USP42: variants seen among roughly 807,000 people sequenced by gnomAD.
USP42 encodes the protein ubiquitin specific peptidase 42.
In USP42, 23 loss-of-function variants were observed where a neutral mutation model predicts 113.0. The ratio of observed to expected loss-of-function variants is 0.20; its 90% CI spans 0.15 to 0.29. The LOEUF is 0.29. USP42 is among the 10% of genes least tolerant of loss of function. The pLI, the probability that USP42 is intolerant of heterozygous loss-of-function variation, is 1.00. For missense variants in USP42, 2,174 were observed against 1,779.8 expected (o/e 1.22, Z -3.99); for synonymous variants, 933 against 699.0 (o/e 1.33, Z -5.28).
chr7:6,154,192 G>A lies in USP42; in HGVS notation c.2638G>A (p.Ala880Thr), dbSNP rs201567953. Reference protein sequence around the residue: ...PLLVHPSGDHARDAQDPSQSL... With the variant: ...PLLVHPSGDHTRDAQDPSQSL... ...CCTTGTTCACCCCAGCGGGGACCAC[G>A]CCCGGGACGCTCAGGACCCATCCCA... Residue 880 changes from alanine (A) to threonine (T), a missense_variant, in exon 15 of 18, where the codon GCC becomes ACC. Ala to Thr is a moderately conservative substitution (Grantham distance 58). Transcript: ENST00000306177. The A allele has an allele frequency of 1.9e-6, 3 of 1,601,342 alleles. No homozygotes were observed. In the East Asian group the frequency reaches 6.7e-5, roughly 36 times the overall value.
the USP42 span, among the ~76,000 whole-genome samples, chr7:6,094,724 C>G: frequency 6.6e-6 from 1 of 151,086 alleles, no homozygotes; most frequent in Admixed American, 6.6e-5. Flanking sequence ...GCGATTTTCT[C>G]CCATCAACCT....
At chr7:6,123,042 T>A (rs987982133) in intron 3 of USP42, among the ~76,000 whole-genome samples, 2 of 150,736 alleles carry the variant, frequency 1.3e-5, no homozygotes, top group Admixed American at 6.6e-5. Context: ...GCTAGGCTGG[T>A]CTCAAACTCC....
chr7:6,086,329 C>T, the USP42 span, among the ~76,000 whole-genome samples: 1 of 150,342 alleles, frequency 6.7e-6, no homozygotes, highest in African/African-American at 2.5e-5. Flanking sequence ...CCTCAGCCTC[C>T]AGAGTAGCTG....
chr7:6,105,503 C>T (rs1311456158), intron 1 of USP42, among the ~76,000 whole-genome samples: 2 of 149,588 alleles, frequency 1.3e-5, no homozygotes, highest in East Asian at 2.0e-4. Context: ...ACCTCCCGCC[C>T]CGGAGCCCCC....
chr7:6,087,135 G>A, the USP42 span, among the ~76,000 whole-genome samples: 32 of 145,924 alleles, frequency 2.2e-4, no homozygotes, highest in East Asian at 5.0e-3. Context: ...ATGTTCAAGC[G>A]ATTCTCCTGC....
chr7:6,138,383 AT>A (rs888924224), intron 4 of USP42, among the ~76,000 whole-genome samples: 1 of 152,110 alleles, frequency 6.6e-6, no homozygotes, highest in African/African-American at 2.4e-5. Context: ...AGGTTGGGAG[AT>A]TTATATTTTG....
chr7:6,147,385 A>G (rs569371637), intron 11 of USP42, among the ~76,000 whole-genome samples: 2 of 152,326 alleles, frequency 1.3e-5, no homozygotes, highest in Admixed American at 1.3e-4. Context: ...GCAAGGCCAC[A>G]GTGAGCAATG....
intron 2 of USP42, 66 bp from the exon 3 acceptor site, chr7:6,115,257 G>A (rs1051140605): frequency 6.6e-7 from 1 of 1,506,522 alleles, no homozygotes; most frequent in Non-Finnish European, 9.2e-7. Flanking sequence ...TTGACCAGGT[G>A]TTACTATTTA....
rs906851647 is a variant in USP42 at position 6,157,394 on chromosome 7, A to G, written c.3943+339A>G. On this transcript the variant is annotated intron_variant, in intron 16 of 17. Coordinates refer to ENST00000306177, the MANE Select transcript of USP42 (RefSeq NM_032172.3). The surrounding 1 kb of genome is among the most constrained non-coding windows in gnomAD (Gnocchi z 4.1). The stretch of plus-strand genomic sequence containing the variant: ...GTTTGGTTTGGTTTTATTTTATTTT[A>G]TTTTATTTATTTTATTTTTTGAGAC... 1.0e-6 allele frequency: 1 copy of G among 985,420 alleles called. No homozygotes were observed. Among genetic ancestry groups the G allele is most frequent in the African/African-American group, 1.7e-5 (1 of 57,434 alleles). The allele number at this position is 985,420 out of a possible 1,614,324, so 61.0% of individuals were successfully genotyped here. A position where few individuals can be genotyped will look rare whatever the true frequency, so the allele number is the denominator to read the frequency against.
the USP42 span, among the ~76,000 whole-genome samples, chr7:6,089,133 C>T: frequency 1.3e-5 from 2 of 150,770 alleles, no homozygotes; most frequent in African/African-American, 5.0e-5. Flanking sequence ...CAACCGCCAC[C>T]TCCCAGGTTC....
At chr7:6,152,742 A>G (rs187622620) in intron 14 of USP42, among the ~76,000 whole-genome samples, 1 of 152,358 alleles carries the variant, frequency 6.6e-6, no homozygotes, top group East Asian at 1.9e-4. Flanking sequence ...CCCCGAGGAT[A>G]TATCGAAAGC....
At chr7:6,152,775 G>GT (rs1782148937) in intron 14 of USP42, among the ~76,000 whole-genome samples, 1 of 152,214 alleles carries the variant, frequency 6.6e-6, no homozygotes, top group African/African-American at 2.4e-5. Flanking sequence ...AAAGGACAAA[G>GT]TTAATTTACT....
At chr7:6,141,945 C>G (rs1292768270) in intron 7 of USP42, among the ~76,000 whole-genome samples, 3 of 152,178 alleles carry the variant, frequency 2.0e-5, no homozygotes, top group African/African-American at 4.8e-5. Context: ...TCTGGCCACT[C>G]ACTGTTCCGT....
chr7:6,096,938 T>G, the USP42 span, among the ~76,000 whole-genome samples: 1 of 150,264 alleles, frequency 6.7e-6, no homozygotes, highest in African/African-American at 2.5e-5. Flanking sequence ...TTTTCTTTTT[T>G]TTTTTGAGAC....
chr7:6,154,196 G>C lies in USP42; in HGVS notation c.2642G>C (p.Arg881Pro), dbSNP rs781546970. ...GTTCACCCCAGCGGGGACCACGCCC[G>C]GGACGCTCAGGACCCATCCCAGAGC... ...LLVHPSGDHA[R>P]DAQDPSQSLG... The change falls in exon 15 of 18, where the codon CGG becomes CCG. Residue 881 changes from arginine to proline, a missense_variant. Coordinates refer to ENST00000306177, the MANE Select transcript of USP42 (RefSeq NM_032172.3). 2.5e-6 allele frequency: 4 copies of C among 1,602,148 alleles called. No homozygotes were observed. The Admixed American group carries it at 5.0e-5, about 20-fold the overall frequency.
the USP42 span, among the ~76,000 whole-genome samples, chr7:6,098,497 T>G: frequency 6.7e-6 from 1 of 150,190 alleles, no homozygotes; most frequent in Admixed American, 6.6e-5. Flanking sequence ...ATCTTGGTGA[T>G]TTATCTGGTG....
chr7:6,100,592 A>C (rs1241595527), upstream of USP42, among the ~76,000 whole-genome samples: 1 of 150,442 alleles, frequency 6.6e-6, no homozygotes, highest in Admixed American at 6.6e-5. Context: ...AGCCTCTCAA[A>C]GTGCTGGGAT....
Position 6,155,012 on chromosome 7 carries a change from A to C in USP42, c.3458A>C (p.Glu1153Ala), listed in dbSNP as rs373665800. 55 of 1,565,322 alleles carry C rather than the reference A, an allele frequency of 3.5e-5. No homozygotes were observed. The African/African-American group carries it at 7.2e-4, about 20-fold the overall frequency. Residue 1153 changes from glutamate (E) to alanine (A), a missense_variant, in exon 15 of 18, where the codon GAA (glutamate) becomes GCA (alanine). Glu to Ala is a moderately radical substitution (Grantham distance 107). Transcript: ENST00000306177. ...TGTAACCTCTCTGATCGGTTTCACG[A>C]ACACGAAAATGGAAAGTCCCGGAAA... The part of the protein sequence containing the change: ...DNCNLSDRFH[E>A]HENGKSRKRR...
chr7:6,125,183 CAAAA>C (rs56776147), intron 3 of USP42, among the ~76,000 whole-genome samples: 1 of 38,756 alleles, frequency 2.6e-5, no homozygotes, highest in East Asian at 7.8e-4. Context: ...TCTGTCTCAA[CAAAA>C]AAAAAAAAAA....
Sources: gnomAD v4.1 joint callset for allele counts (sites outside exome capture counted in the v4.1 genomes callset) on GRCh38, gnomAD v4.1.1 for gene constraint, Gnocchi (gnomAD v3.1) non-coding constraint, MANE v1.5 for transcripts, NCBI Gene and HGNC (gene_info 2026-07-23, HGNC 2026-07-21) for gene names.